PCDH9: variants seen among roughly 807,000 people sequenced by gnomAD.
PCDH9 encodes the protein protocadherin-9.
A neutral mutation model predicts 70.6 loss-of-function variants in PCDH9; 24 were observed. The observed-to-expected ratio is 0.34, with a 90% confidence interval of 0.25 to 0.48. PCDH9 has a LOEUF of 0.48. PCDH9 is among the 20% of genes least tolerant of loss of function. The pLI is 0.99. For synonymous variants in PCDH9, 562 were observed against 558.5 expected (o/e 1.01, Z -0.09); for missense variants, 1,281 against 1,503.6 (o/e 0.85, Z 2.45).
chr13:67,177,289 G>T (rs1409316930), intron 2 of PCDH9, among the ~76,000 whole-genome samples: 3 of 151,814 alleles, frequency 2.0e-5, no homozygotes, highest in African/African-American at 7.3e-5. Context: ...ATTTCTCCAA[G>T]CTTCCATATC....
chr13:66,812,103 A>G (rs1227461527), intron 3 of PCDH9, among the ~76,000 whole-genome samples: 1 of 151,710 alleles, frequency 6.6e-6, no homozygotes, highest in Admixed American at 6.6e-5. Context: ...CCCAAAGTCC[A>G]TTGTATAATT....
chr13:67,129,904 C>A (rs537346384), intron 2 of PCDH9, among the ~76,000 whole-genome samples: 4 of 151,682 alleles, frequency 2.6e-5, no homozygotes, highest in African/African-American at 9.7e-5. Flanking sequence ...GTAAAAAGAC[C>A]ATATTCCTTA....
chr13:66,338,882 G>GGA, intron 4 of PCDH9, among the ~76,000 whole-genome samples: 1 of 150,494 alleles, frequency 6.6e-6, no homozygotes, highest in East Asian at 1.9e-4. Context: ...TGGTAGAAGA[G>GGA]AAAAAAAAAG....
At chr13:66,323,972 A>G (rs1292785465) in intron 4 of PCDH9, among the ~76,000 whole-genome samples, 2 of 152,100 alleles carry the variant, frequency 1.3e-5, no homozygotes, top group Non-Finnish European at 2.9e-5. Context: ...CTCAGCAAAT[A>G]CAATTGAAGT....
rs144079586 is a variant in PCDH9 at position 66,366,359 on chromosome 13, G to T, written c.3341-61331C>A. 7.9e-3 allele frequency among the ~76,000 whole-genome samples: 1,190 copies of T among 151,592 alleles called. 3 individuals are homozygous for T. The highest frequency in any genetic ancestry group is 0.02 in the Middle Eastern group (6 of 294). On this transcript the variant is annotated intron_variant, in intron 4 of 4. Transcript: ENST00000377865. The stretch of plus-strand genomic sequence containing the variant: ...ACAGATTTCCATAAGTAATTTTTTT[G>T]CATGTTCCTAAAATTTATTGAGTAA...
intron 3 of PCDH9, among the ~76,000 whole-genome samples, chr13:66,769,229 G>A (rs2079765657): frequency 6.6e-6 from 1 of 151,994 alleles, no homozygotes; most frequent in Admixed American, 6.6e-5. Flanking sequence ...AAAAAAAAAT[G>A]TTCTTTGAGA....
intron 3 of PCDH9, among the ~76,000 whole-genome samples, chr13:66,773,937 C>T (rs1207858273): frequency 6.6e-6 from 1 of 151,626 alleles, no homozygotes; most frequent in East Asian, 2.0e-4. Context: ...GCCACCAAGC[C>T]CGGCTAATTT....
intron 3 of PCDH9, among the ~76,000 whole-genome samples, chr13:66,772,713 A>C (rs887674526): frequency 6.6e-6 from 1 of 152,160 alleles, no homozygotes; most frequent in Non-Finnish European, 1.5e-5. Flanking sequence ...AAACTATGAA[A>C]ATATCACAGT....
chr13:66,899,952 A>G (rs568393967), intron 3 of PCDH9, among the ~76,000 whole-genome samples: 5 of 151,988 alleles, frequency 3.3e-5, no homozygotes, highest in Non-Finnish European at 7.4e-5. Flanking sequence ...GTTTGAAGGT[A>G]AAGTCTTTAG....
At chr13:66,340,862 A>AT (rs201199031) in intron 4 of PCDH9, among the ~76,000 whole-genome samples, 2,493 of 152,220 alleles carry the variant, frequency 0.016, 65 homozygotes, top group African/African-American at 0.057. Flanking sequence ...GTATTAGTAG[A>AT]TTTTCTGAAT....
chr13:66,316,762 T>G (rs4883775), intron 4 of PCDH9, among the ~76,000 whole-genome samples: 113,119 of 151,392 alleles, frequency 0.75, 42,467 homozygotes, highest in Non-Finnish European at 0.79. Context: ...TCACTCCGTT[T>G]TCCAGGCTGG....
intron 3 of PCDH9, among the ~76,000 whole-genome samples, chr13:66,726,497 G>C (rs1159378897): frequency 6.6e-6 from 1 of 152,114 alleles, no homozygotes; most frequent in Non-Finnish European, 1.5e-5. Flanking sequence ...AGAATGCACT[G>C]TACACAAGTC....
At chr13:66,413,183 G>T (rs1247795931) in intron 4 of PCDH9, among the ~76,000 whole-genome samples, 2 of 152,042 alleles carry the variant, frequency 1.3e-5, no homozygotes, top group Non-Finnish European at 2.9e-5. Flanking sequence ...TATGTCCATT[G>T]TATTTATAAA....
In PCDH9 at chr13:66,615,686, G is replaced by A. The variant is rs181338996; in HGVS notation, c.3340+15524C>T. Among the ~76,000 whole-genome samples the A allele has an allele frequency of 1.0e-3, 152 of 152,300 alleles. 1 individual carries two copies. Among genetic ancestry groups the A allele is most frequent in the Middle Eastern group, 3.4e-3 (1 of 294 alleles). ...CTCACAAATATCAAGCAACACCAGC[G>A]TTAATTAAATGACTGAATTCAGAAA... is the stretch of plus-strand genomic sequence containing the variant. On this transcript the variant is annotated intron_variant, in intron 4 of 4. Coordinates refer to ENST00000377865, the MANE Select transcript of PCDH9 (RefSeq NM_203487.3).
intron 4 of PCDH9, among the ~76,000 whole-genome samples, chr13:66,509,926 A>G (rs145982093): frequency 2.0e-5 from 3 of 152,354 alleles, no homozygotes; most frequent in East Asian, 3.9e-4. Context: ...CTATGAAAAC[A>G]AAGATGGATA....
At chr13:66,651,177 T>C (rs2138990894) in intron 3 of PCDH9, among the ~76,000 whole-genome samples, 1 of 150,726 alleles carries the variant, frequency 6.6e-6, no homozygotes, top group African/African-American at 2.4e-5. Flanking sequence ...AAAAAAATAA[T>C]ACAGATCAGA....
At chr13:66,480,631 A>G (rs562080202) in intron 4 of PCDH9, among the ~76,000 whole-genome samples, 2 of 152,300 alleles carry the variant, frequency 1.3e-5, no homozygotes, top group African/African-American at 4.8e-5. Context: ...CACCAGTTAG[A>G]ATGGCGATCA....
chr13:66,655,706 AT>A (rs1166033084), intron 3 of PCDH9, among the ~76,000 whole-genome samples: 4 of 152,158 alleles, frequency 2.6e-5, no homozygotes, highest in African/African-American at 9.7e-5. Context: ...TCGATGAATA[AT>A]TTGTTGCTAT....
At chr13:67,198,154 A>G (rs963867799) in intron 2 of PCDH9, among the ~76,000 whole-genome samples, 1 of 151,720 alleles carries the variant, frequency 6.6e-6, no homozygotes, top group Non-Finnish European at 1.5e-5. Flanking sequence ...CACAAATATT[A>G]GGTGTTATTT....
Sources: gnomAD v4.1 joint callset for allele counts (sites outside exome capture counted in the v4.1 genomes callset) on GRCh38, gnomAD v4.1.1 for gene constraint, MANE v1.5 for transcripts, NCBI Gene and HGNC (gene_info 2026-07-23, HGNC 2026-07-21) for gene names.